BEST3: variants seen among roughly 807,000 people sequenced by gnomAD.
The protein encoded by BEST3 is bestrophin 3.
Under a neutral mutation model 47.1 loss-of-function variants are expected in BEST3, and 50 were observed. The observed-to-expected ratio is 1.06, with a 90% confidence interval of 0.85 to 1.34. The LOEUF (loss-of-function observed/expected upper bound fraction) is 1.34. Ranked by LOEUF, BEST3 falls within the 40% of genes most tolerant of loss-of-function variation. The pLI is 0.00. For synonymous variants in BEST3, 282 were observed against 298.8 expected (o/e 0.94, Z 0.58); for missense variants, 765 against 817.0 (o/e 0.94, Z 0.78).
intron 9 of BEST3, chr12:69,661,085 A>T (rs548829256): frequency 6.6e-6 from 1 of 152,300 alleles, no homozygotes; most frequent in East Asian, 1.9e-4. Flanking sequence ...GCTGATGAAG[A>T]TGTCAGCAGA....
chr12:69,690,587 CT>C (rs1239744531), intron 4 of BEST3, among the ~76,000 whole-genome samples: 1 of 152,174 alleles, frequency 6.6e-6, no homozygotes. Context: ...ATGAGATTTG[CT>C]TTGAGGATTG....
At chr12:69,646,474 CT>C (rs1565815879) in intron 9 of BEST3, among the ~76,000 whole-genome samples, 1 of 151,396 alleles carries the variant, frequency 6.6e-6, no homozygotes, top group African/African-American at 2.4e-5. Flanking sequence ...TGGTCAGACA[CT>C]TTTCTAATCC....
rs1334668762 is a variant in BEST3 at position 69,697,784 on chromosome 12, G to GT, written c.14dup (p.Tyr5Ter). Residue 5 changes from tyrosine (Y) to a stop codon, truncating the protein, a stop_gained and frameshift_variant, in exon 2 of 10, where the codon TAC (tyrosine) becomes TAAC (stop). Transcript: ENST00000330891. LOFTEE classifies it high-confidence loss of function. MTVT[Y>*]SSKVANATFF... is the part of the protein sequence containing the mutation. ...AAGTTGCATTTGCTACTTTACTGGAGTAAGTGACAGTCATCTTGGATAGTT... is the reference window on the plus strand; with the variant it reads ...AAGTTGCATTTGCTACTTTACTGGAGTTAAGTGACAGTCATCTTGGATAGTT... 5.6e-6 allele frequency: 9 copies of GT among 1,604,002 alleles called. No individual in the cohort carries two copies. The highest frequency in any genetic ancestry group is 7.6e-6 in the Non-Finnish European group (9 of 1,177,332).
At chr12:69,694,215 C>T (rs924589710) in intron 3 of BEST3, 155 bp downstream of exon 3, 4 of 596,724 alleles carry the variant, frequency 6.7e-6, no homozygotes, top group South Asian at 4.8e-5. Context: ...CAAAAGCAGC[C>T]GTGAAGGCAA....
At chr12:69,664,719 T>TA (rs1254921440) in intron 9 of BEST3, among the ~76,000 whole-genome samples, 1 of 147,962 alleles carries the variant, frequency 6.8e-6, no homozygotes, top group Admixed American at 6.8e-5. Flanking sequence ...ATATATAATA[T>TA]AAAAAATCAA....
At position 69,677,308 on chromosome 12, in the gene BEST3, A is replaced by G. The variant is rs1182685441; in HGVS notation, c.637-51T>C. The G allele has an allele frequency of 4.7e-6, 7 of 1,486,934 alleles. No individual in the cohort carries two copies. In the South Asian group the frequency reaches 7.2e-5, roughly 15 times the overall value. 92.1% of individuals were successfully genotyped at this position (1,486,934 alleles called of 1,614,324 possible). A position where few individuals can be genotyped will look rare whatever the true frequency, so the allele number is the denominator to read the frequency against. Reference sequence around the variant, plus strand: ...ATTTACTAAGATGACGGGTGTGGTAATAAGTACTTACTGGGACTCAGAATG... The same window carrying G: ...ATTTACTAAGATGACGGGTGTGGTAGTAAGTACTTACTGGGACTCAGAATG... On this transcript the variant is annotated intron_variant, in intron 5 of 9. Coordinates refer to ENST00000330891, the MANE Select transcript of BEST3 (RefSeq NM_032735.3).
At chr12:69,653,176 A>G (rs528611805), downstream of BEST3, among the ~76,000 whole-genome samples, 4 of 152,334 alleles carry the variant, frequency 2.6e-5, no homozygotes, top group Admixed American at 6.5e-5. Context: ...TCTGTCATGA[A>G]AAATGAAGAG....
At chr12:69,695,740 C>G (rs1886108823) in intron 2 of BEST3, among the ~76,000 whole-genome samples, 2 of 152,084 alleles carry the variant, frequency 1.3e-5, no homozygotes, top group Admixed American at 1.3e-4. Context: ...CTCTGAGTCT[C>G]AGTTTTCTCA....
chr12:69,667,741 T>C (rs1884316759), intron 9 of BEST3, among the ~76,000 whole-genome samples: 1 of 152,216 alleles, frequency 6.6e-6, no homozygotes, highest in Non-Finnish European at 1.5e-5. Flanking sequence ...CACATTGTAA[T>C]GTCACTTTTC....
intron 2 of BEST3, 23 bp downstream of exon 2, chr12:69,697,624 A>T: frequency 6.6e-7 from 1 of 1,521,304 alleles, no homozygotes; most frequent in East Asian, 2.4e-5. Flanking sequence ...TGGCCATTTA[A>T]GGAGACATGT....
chr12:69,688,889 G>T (rs1272624917), intron 4 of BEST3, among the ~76,000 whole-genome samples: 1 of 152,100 alleles, frequency 6.6e-6, no homozygotes, highest in Non-Finnish European at 1.5e-5. Flanking sequence ...CTCTGGGAGT[G>T]GTATCGTGGG....
downstream of BEST3, among the ~76,000 whole-genome samples, chr12:69,650,630 A>AT (rs1351062925): frequency 6.6e-6 from 1 of 152,112 alleles, no homozygotes; most frequent in Non-Finnish European, 1.5e-5. Flanking sequence ...GTTTAGGGAG[A>AT]TTAGATACCT....
intron 9 of BEST3, among the ~76,000 whole-genome samples, chr12:69,663,000 T>C (rs1428940859): frequency 6.6e-6 from 1 of 152,198 alleles, no homozygotes; most frequent in Non-Finnish European, 1.5e-5. Flanking sequence ...TATGAATGGA[T>C]AGTTTGTTAG....
chr12:69,677,600 G>A (rs1325370851), intron 5 of BEST3, among the ~76,000 whole-genome samples: 4 of 152,162 alleles, frequency 2.6e-5, no homozygotes, highest in Admixed American at 2.0e-4. Context: ...GGGCAACATA[G>A]AAAGACATTG....
chr12:69,678,732 T>C lies in BEST3; in HGVS notation c.636+7A>G, dbSNP rs762206854. On this transcript the variant is annotated splice_region_variant and intron_variant, in intron 5 of 9. Transcript: ENST00000330891. ...CGTATTTTTCTTATGATTTATGATA[T>C]ACTTACAGTCATCAATGATTGCAGA... 20 of 1,613,410 alleles carry C rather than the reference T, an allele frequency of 1.2e-5. No individual in the cohort carries two copies. In the Admixed American group the frequency reaches 2.8e-4, roughly 23 times the overall value.
chr12:69,670,379 C>G, intron 9 of BEST3: 1 of 691,740 alleles, frequency 1.4e-6, no homozygotes, highest in Non-Finnish European at 2.6e-6. Context: ...GCTTTGCGGG[C>G]AACAAGGCAA....
At chr12:69,662,104 A>C (rs1883908544) in intron 9 of BEST3, among the ~76,000 whole-genome samples, 1 of 152,252 alleles carries the variant, frequency 6.6e-6, no homozygotes, top group Non-Finnish European at 1.5e-5. Context: ...CTGATTGCCC[A>C]TGGTGACCTC....
At chr12:69,671,352 T>G in intron 9 of BEST3, 76 bp downstream of exon 9, 1 of 1,340,248 alleles carries the variant, frequency 7.5e-7, no homozygotes, top group South Asian at 1.6e-5. Flanking sequence ...ATTTCTTTTT[T>G]TTTTTTTATA....
Position 69,693,761 on chromosome 12 carries a change from CGTA to C in BEST3, c.391_393del (p.Tyr131del). ...AAGATGAGCAGGGAGGTGAGATTGA[CGTA>C]GCGCATCAGCGTCCTTCTAAGCAGG... On this transcript the variant is annotated inframe_deletion, in exon 4 of 10. Transcript: ENST00000330891. The C allele has an allele frequency of 6.2e-7, 1 of 1,614,140 alleles. No individual in the cohort carries two copies. The highest frequency in any genetic ancestry group is 8.5e-7 in the Non-Finnish European group (1 of 1,180,034).
Sources: gnomAD v4.1 joint callset for allele counts (sites outside exome capture counted in the v4.1 genomes callset) on GRCh38, gnomAD v4.1.1 for gene constraint, MANE v1.5 for transcripts, NCBI Gene and HGNC (gene_info 2026-07-23, HGNC 2026-07-21) for gene names.